The following NMNAT2 variants were observed in gnomAD, a reference collection of about 807,000 sequenced individuals.
NMNAT2 encodes nicotinamide/nicotinic acid mononucleotide adenylyltransferase 2.
In NMNAT2, 11 loss-of-function variants were observed where a neutral mutation model predicts 41.6. The observed-to-expected ratio is 0.26, with a 90% confidence interval of 0.17 to 0.44. The LOEUF is 0.44. Among genes scored for constraint, NMNAT2 ranks in the 20% least tolerant of loss-of-function variants. The pLI is 1.00. For synonymous variants in NMNAT2, 148 were observed against 151.2 expected (o/e 0.98, Z 0.16); for missense variants, 288 against 407.7 (o/e 0.71, Z 2.53).
intron 1 of NMNAT2, among the ~76,000 whole-genome samples, chr1:183,370,619 C>T (rs1054069735): frequency 6.6e-6 from 1 of 152,130 alleles, no homozygotes; most frequent in Non-Finnish European, 1.5e-5. Flanking sequence ...CAGGTGTGCT[C>T]GGGCACAAGG....
At chr1:183,321,072 A>G (rs1350492490) in intron 1 of NMNAT2, among the ~76,000 whole-genome samples, 2 of 152,216 alleles carry the variant, frequency 1.3e-5, no homozygotes, top group African/African-American at 4.8e-5. Flanking sequence ...AATAAGAACA[A>G]TACTGCAAGA....
At chr1:183,264,140 C>T (rs766744395) in intron 8 of NMNAT2, among the ~76,000 whole-genome samples, 1 of 151,992 alleles carries the variant, frequency 6.6e-6, no homozygotes, top group Non-Finnish European at 1.5e-5. Flanking sequence ...GTAGGATCTG[C>T]CTTCAAATTG....
At chr1:183,332,676 A>C (rs1040699326) in intron 1 of NMNAT2, among the ~76,000 whole-genome samples, 3 of 152,040 alleles carry the variant, frequency 2.0e-5, no homozygotes, top group Non-Finnish European at 4.4e-5. Context: ...CCTGCCTTTC[A>C]GTCTGACTGG....
At position 183,386,568 on chromosome 1, in the gene NMNAT2, G is replaced by A. The variant is rs879778447; in HGVS notation, c.85+31615C>T. Among the ~76,000 whole-genome samples, 9 of 152,038 alleles carry A rather than the reference G, an allele frequency of 5.9e-5. No homozygotes were observed. The East Asian group carries it at 7.7e-4, about 13-fold the overall frequency. ...AATAACCTCACAATAGCAAGGGCTC[G>A]TCATTTTATATGAATTTTTAAAAAG... On this transcript the variant is annotated intron_variant, in intron 1 of 10. Coordinates refer to ENST00000287713, the MANE Select transcript of NMNAT2 (RefSeq NM_015039.4).
intron 1 of NMNAT2, among the ~76,000 whole-genome samples, chr1:183,379,491 C>T (rs371330469): frequency 6.6e-6 from 1 of 152,150 alleles, no homozygotes; most frequent in East Asian, 1.9e-4. Flanking sequence ...ATGAACCCCA[C>T]TTTTAATATA....
At chr1:183,357,816 C>T (rs1258753277) in intron 1 of NMNAT2, among the ~76,000 whole-genome samples, 1 of 152,116 alleles carries the variant, frequency 6.6e-6, no homozygotes. Context: ...TGGAAAGTGT[C>T]TGTTCATGTC....
rs559675486 is a variant in NMNAT2, at chr1:183,331,666, C to A, written c.86-37873G>T. Reference sequence around the variant, plus strand: ...GGCGTGAGCCTTCCAGACAGCCTGGCGCCTGCACGCTGCTGCTGCTGGTAA... The same window carrying A: ...GGCGTGAGCCTTCCAGACAGCCTGGAGCCTGCACGCTGCTGCTGCTGGTAA... On this transcript the variant is annotated intron_variant, in intron 1 of 10. Coordinates refer to ENST00000287713, the MANE Select transcript of NMNAT2 (RefSeq NM_015039.4). Among the ~76,000 whole-genome samples the A allele has an allele frequency of 1.5e-3, 234 of 152,364 alleles. 1 individual carries two copies. The highest frequency in any genetic ancestry group is 5.2e-3 in the African/African-American group (218 of 41,586).
intron 1 of NMNAT2, among the ~76,000 whole-genome samples, chr1:183,407,381 GT>G (rs552403970): frequency 6.6e-6 from 1 of 151,496 alleles, no homozygotes; most frequent in Non-Finnish European, 1.5e-5. Flanking sequence ...TGTCTGTCCT[GT>G]TTTTTTTGGT....
chr1:183,405,447 T>C (rs1056343274), intron 1 of NMNAT2, among the ~76,000 whole-genome samples: 1 of 152,216 alleles, frequency 6.6e-6, no homozygotes, highest in African/African-American at 2.4e-5. Flanking sequence ...AAATGGCTTT[T>C]TTATTACTTG....
intron 8 of NMNAT2, among the ~76,000 whole-genome samples, chr1:183,265,313 C>A (rs569187058): frequency 1.7e-5 from 2 of 115,882 alleles, no homozygotes; most frequent in African/African-American, 6.7e-5. Flanking sequence ...GTTGCCCAGG[C>A]TGGAGTGCAG....
intron 1 of NMNAT2, among the ~76,000 whole-genome samples, chr1:183,385,927 C>T (rs995845479): frequency 2.0e-5 from 3 of 152,072 alleles, no homozygotes; most frequent in African/African-American, 7.2e-5. Flanking sequence ...ACAGGCAAGT[C>T]GGTGCCTATG....
At chr1:183,326,130 C>T (rs950312133) in intron 1 of NMNAT2, among the ~76,000 whole-genome samples, 1 of 152,124 alleles carries the variant, frequency 6.6e-6, no homozygotes, top group Non-Finnish European at 1.5e-5. Context: ...ACTTCCAACA[C>T]TTTGGGAGGC....
At chr1:183,382,814 G>A (rs1381773959) in intron 1 of NMNAT2, among the ~76,000 whole-genome samples, 1 of 152,176 alleles carries the variant, frequency 6.6e-6, no homozygotes, top group Non-Finnish European at 1.5e-5. Context: ...AGCTCTGCAG[G>A]GTACAGCCTC....
At chr1:183,379,444 G>A (rs1663755411) in intron 1 of NMNAT2, among the ~76,000 whole-genome samples, 1 of 152,000 alleles carries the variant, frequency 6.6e-6, no homozygotes. Context: ...GCCTCCCAAA[G>A]GGTTGACATT....
intron 1 of NMNAT2, among the ~76,000 whole-genome samples, chr1:183,349,903 T>C (rs1247566469): frequency 6.6e-6 from 1 of 152,122 alleles, no homozygotes; most frequent in Admixed American, 6.5e-5. Flanking sequence ...CATCCCGATG[T>C]TGACTTTGCT....
At position 183,414,990 on chromosome 1, in the gene NMNAT2, T is replaced by A. The variant is rs184818545; in HGVS notation, c.85+3193A>T. 1.4e-3 allele frequency among the ~76,000 whole-genome samples: 220 copies of A among 152,078 alleles called. 4 individuals are homozygous for A. The East Asian group carries it at 0.039, about 27-fold the overall frequency. On this transcript the variant is annotated intron_variant, in intron 1 of 10. Coordinates refer to ENST00000287713, the MANE Select transcript of NMNAT2 (RefSeq NM_015039.4). Reference sequence around the variant, plus strand: ...ACCTTAAAGAAAGCTTGAAAAAAAATTTTTAAGGCAGAGTCTGGCTGTATT... The same window carrying A: ...ACCTTAAAGAAAGCTTGAAAAAAAAATTTTAAGGCAGAGTCTGGCTGTATT...
intron 1 of NMNAT2, among the ~76,000 whole-genome samples, chr1:183,389,768 G>C (rs1412101608): frequency 5.9e-5 from 2 of 33,814 alleles, no homozygotes; most frequent in Admixed American, 3.4e-4. Flanking sequence ...AAGAAAGAAA[G>C]AAAGAAAGAA....
intron 1 of NMNAT2, among the ~76,000 whole-genome samples, chr1:183,397,499 A>C (rs1323551875): frequency 6.6e-6 from 1 of 152,228 alleles, no homozygotes; most frequent in Non-Finnish European, 1.5e-5. Flanking sequence ...GCAGGATATT[A>C]TCCAGGAGAA....
intron 1 of NMNAT2, among the ~76,000 whole-genome samples, chr1:183,376,228 CATT>C (rs1663676012): frequency 6.6e-6 from 1 of 152,122 alleles, no homozygotes; most frequent in East Asian, 1.9e-4. Context: ...TTATTAATCT[CATT>C]AGTTGAGAAC....
Sources: gnomAD v4.1 joint callset for allele counts (sites outside exome capture counted in the v4.1 genomes callset) on GRCh38, gnomAD v4.1.1 for gene constraint, MANE v1.5 for transcripts, NCBI Gene and HGNC (gene_info 2026-07-23, HGNC 2026-07-21) for gene names.